The following MYO1D variants were observed in gnomAD, a reference collection of about 807,000 sequenced individuals.
MYO1D encodes myosin ID, also known as unconventional myosin-Id.
Under a neutral mutation model 122.0 loss-of-function variants are expected in MYO1D, and 83 were observed. That is an observed-to-expected ratio of 0.68 (90% CI 0.57 to 0.82). The LOEUF is 0.82. Among genes scored for constraint, MYO1D ranks in the 40% least tolerant of loss-of-function variants. The pLI, the probability that MYO1D is intolerant of heterozygous loss-of-function variation, is 0.00. For missense variants in MYO1D, 1,157 were observed against 1,269.5 expected (o/e 0.91, Z 1.35); for synonymous variants, 464 against 446.9 (o/e 1.04, Z -0.48).
chr17:32,630,621 G>C (rs2087991584), intron 20 of MYO1D, among the ~76,000 whole-genome samples: 1 of 151,852 alleles, frequency 6.6e-6, no homozygotes, highest in South Asian at 2.1e-4. Flanking sequence ...TGCCCAGGCT[G>C]GAGTGCAGTG....
At chr17:32,553,528 G>A (rs2087041102) in intron 21 of MYO1D, among the ~76,000 whole-genome samples, 1 of 152,202 alleles carries the variant, frequency 6.6e-6, no homozygotes, top group African/African-American at 2.4e-5. Context: ...TCTAGCAGCT[G>A]AAAAAGGACG....
At chr17:32,812,176 G>A (rs774734968) in intron 1 of MYO1D, among the ~76,000 whole-genome samples, 5 of 152,186 alleles carry the variant, frequency 3.3e-5, no homozygotes, top group Non-Finnish European at 7.4e-5. Flanking sequence ...TTTCCAAATG[G>A]AAACAAGATC....
intron 21 of MYO1D, among the ~76,000 whole-genome samples, chr17:32,590,392 A>C (rs532528194): frequency 2.6e-5 from 4 of 152,356 alleles, no homozygotes; most frequent in African/African-American, 9.6e-5. Flanking sequence ...GTAGGCAAAG[A>C]GGGCTGGTTT....
chr17:32,782,837 A>G (rs1312468295), intron 1 of MYO1D, among the ~76,000 whole-genome samples: 1 of 152,044 alleles, frequency 6.6e-6, no homozygotes, highest in African/African-American at 2.4e-5. Context: ...TGGGAGGCTG[A>G]GGCGGGAGGA....
chr17:32,707,911 G>A (rs905383727), intron 16 of MYO1D, among the ~76,000 whole-genome samples: 2 of 152,174 alleles, frequency 1.3e-5, no homozygotes, highest in African/African-American at 2.4e-5. Flanking sequence ...GCTCATTGCT[G>A]GAGGAATTGA....
intron 16 of MYO1D, among the ~76,000 whole-genome samples, chr17:32,678,526 G>C (rs1419701472): frequency 6.7e-6 from 1 of 150,044 alleles, no homozygotes; most frequent in East Asian, 2.0e-4. Flanking sequence ...TTTTGTTCTT[G>C]CGATAGTTTA....
At chr17:32,584,259 A>G (rs1255649866) in intron 21 of MYO1D, among the ~76,000 whole-genome samples, 1 of 152,146 alleles carries the variant, frequency 6.6e-6, no homozygotes, top group East Asian at 1.9e-4. Context: ...AACTTATTAT[A>G]CATGATACAT....
At chr17:32,581,574 GCT>G (rs900187245) in intron 21 of MYO1D, among the ~76,000 whole-genome samples, 1 of 131,574 alleles carries the variant, frequency 7.6e-6, no homozygotes, top group Non-Finnish European at 1.6e-5. Flanking sequence ...TGCCCCTCTC[GCT>G]CTCTTTTTTT....
intron 21 of MYO1D, among the ~76,000 whole-genome samples, chr17:32,556,637 A>C (rs975094705): frequency 6.6e-6 from 1 of 150,964 alleles, no homozygotes; most frequent in African/African-American, 2.4e-5. Flanking sequence ...CTCCCACCTC[A>C]GCCTCCCAAA....
At chr17:32,495,117 T>C (rs1035075772) in intron 21 of MYO1D, among the ~76,000 whole-genome samples, 2 of 152,192 alleles carry the variant, frequency 1.3e-5, no homozygotes, top group Non-Finnish European at 2.9e-5. Flanking sequence ...CTCGGCACCA[T>C]GGCAGGGCCC....
At chr17:32,808,369 T>TAA (rs201707206) in intron 1 of MYO1D, among the ~76,000 whole-genome samples, 127 of 133,098 alleles carry the variant, frequency 9.5e-4, no homozygotes, top group African/African-American at 3.0e-3. Context: ...CCTGTCTCTT[T>TAA]AAAAAAAAAA....
chr17:32,774,450 G>A (rs917613370), intron 4 of MYO1D, among the ~76,000 whole-genome samples: 44 of 152,146 alleles, frequency 2.9e-4, no homozygotes, highest in African/African-American at 1.1e-3. Flanking sequence ...TTAGAAGTGG[G>A]GAGAATAGGA....
chr17:32,520,091 C>A (rs1180807650), intron 21 of MYO1D, among the ~76,000 whole-genome samples: 1 of 152,110 alleles, frequency 6.6e-6, no homozygotes, highest in Non-Finnish European at 1.5e-5. Context: ...AAAAGAAAAT[C>A]AATCTGTGCA....
intron 6 of MYO1D, among the ~76,000 whole-genome samples, chr17:32,770,690 G>A (rs1246522035): frequency 6.6e-6 from 1 of 152,092 alleles, no homozygotes; most frequent in Non-Finnish European, 1.5e-5. Context: ...ATTATTTCTA[G>A]GGTACATCAA....
At chr17:32,505,555 T>A (rs1346425163) in intron 21 of MYO1D, 2 of 144,142 alleles carry the variant, frequency 1.4e-5, no homozygotes, top group Admixed American at 1.3e-4. Flanking sequence ...GCCCTGCATG[T>A]GGCAGGGCCT....
chr17:32,735,081 A>AAC (rs371150333), intron 14 of MYO1D, among the ~76,000 whole-genome samples: 66,840 of 137,624 alleles, frequency 0.49, 16,350 homozygotes, highest in Middle Eastern at 0.64. Context: ...ATTCCATCTG[A>AAC]ACACACACAC....
chr17:32,748,249 C>G (rs1024501067), intron 12 of MYO1D, among the ~76,000 whole-genome samples: 2 of 152,080 alleles, frequency 1.3e-5, no homozygotes, highest in African/African-American at 4.8e-5. Context: ...AATAATGTAG[C>G]AAAAATGGTT....
At chr17:32,826,886 A>G (rs1309517646) in intron 1 of MYO1D, among the ~76,000 whole-genome samples, 1 of 152,252 alleles carries the variant, frequency 6.6e-6, no homozygotes, top group Non-Finnish European at 1.5e-5. Flanking sequence ...AAAAAATGCT[A>G]TATCAGTATA....
chr17:32,563,056 C>T (rs2087140011), intron 21 of MYO1D, among the ~76,000 whole-genome samples: 1 of 152,054 alleles, frequency 6.6e-6, no homozygotes, highest in Admixed American at 6.6e-5. Flanking sequence ...ATAAATTATA[C>T]TGACTTGAAG....
Sources: gnomAD v4.1 joint callset for allele counts (sites outside exome capture counted in the v4.1 genomes callset) on GRCh38, gnomAD v4.1.1 for gene constraint, MANE v1.5 for transcripts, NCBI Gene and HGNC (gene_info 2026-07-23, HGNC 2026-07-21) for gene names.